The following CD109 variants were observed in gnomAD, a reference collection of about 807,000 sequenced individuals.
CD109 encodes CD109 molecule.
In CD109, 149 loss-of-function variants were observed where a neutral mutation model predicts 165.8. The ratio of observed to expected loss-of-function variants is 0.90; its 90% CI spans 0.79 to 1.03. The LOEUF is 1.03. CD109 is among the 50% of genes least tolerant of loss of function. The probability of loss-of-function intolerance (pLI) is 0.00; values close to 1 mark genes in which losing one functional copy is unlikely to be tolerated. For missense variants in CD109, 1,712 were observed against 1,677.8 expected (o/e 1.02, Z -0.36); for synonymous variants, 585 against 592.1 (o/e 0.99, Z 0.18).
chr6:73,777,864 T>A (rs1426259258), intron 15 of CD109, among the ~76,000 whole-genome samples: 1 of 152,220 alleles, frequency 6.6e-6, no homozygotes, highest in Non-Finnish European at 1.5e-5. Flanking sequence ...CCAGCTTTGT[T>A]CTTTTTGCTT....
At chr6:73,746,087 G>A (rs766394700) in intron 5 of CD109, among the ~76,000 whole-genome samples, 31 of 152,206 alleles carry the variant, frequency 2.0e-4, no homozygotes, top group Non-Finnish European at 4.3e-4. Flanking sequence ...AGAAAGTTGC[G>A]AAGATAGCAC....
chr6:73,681,247 G>A, the CD109 span, among the ~76,000 whole-genome samples: 21 of 151,504 alleles, frequency 1.4e-4, no homozygotes, highest in Non-Finnish European at 2.9e-4. Flanking sequence ...TATATGTGAT[G>A]TTTGATATAC....
intron 5 of CD109, among the ~76,000 whole-genome samples, chr6:73,753,080 A>AAT (rs1773253288): frequency 6.7e-6 from 1 of 148,430 alleles, no homozygotes; most frequent in South Asian, 2.1e-4. Context: ...AGAAAAACCA[A>AAT]ATGTAGCCTG....
chr6:73,783,169 G>A (rs1466769521), intron 18 of CD109, among the ~76,000 whole-genome samples: 1 of 152,212 alleles, frequency 6.6e-6, no homozygotes, highest in Non-Finnish European at 1.5e-5. Context: ...GTCACAGGGA[G>A]AAGGGGCATG....
chr6:73,802,307 T>TA (rs1775393783), intron 23 of CD109, among the ~76,000 whole-genome samples: 21 of 52,470 alleles, frequency 4.0e-4, no homozygotes, highest in South Asian at 1.2e-3. Flanking sequence ...ATATATATAT[T>TA]TTTTTTTTTT....
chr6:73,726,545 G>A (rs1466931722), intron 3 of CD109, among the ~76,000 whole-genome samples: 1 of 152,174 alleles, frequency 6.6e-6, no homozygotes, highest in Non-Finnish European at 1.5e-5. Flanking sequence ...AGTATATGAG[G>A]ATAAATACTA....
In CD109 at chr6:73,696,221, G is replaced by C. The variant is rs1770823023; in HGVS notation, c.6G>C (p.Gln2His). ...CCCAGGCAGACGCCGTCGAGATGCAGGGCCCACCGCTCCTGACCGCCGCCC... is the reference window on the plus strand; with the variant it reads ...CCCAGGCAGACGCCGTCGAGATGCACGGCCCACCGCTCCTGACCGCCGCCC... Reference protein sequence around the residue: MQGPPLLTAAHL... With the variant: MHGPPLLTAAHL... Residue 2 changes from glutamine (Q) to histidine (H), a missense_variant, in exon 1 of 33, where the codon CAG (glutamine) becomes CAC (histidine). Gln to His is a conservative substitution (Grantham distance 24). Coordinates refer to ENST00000287097, the MANE Select transcript of CD109 (RefSeq NM_133493.5). 3 of 1,545,904 alleles carry C rather than the reference G, an allele frequency of 1.9e-6. No homozygotes were observed. Among genetic ancestry groups the C allele is most frequent in the African/African-American group, 1.4e-5 (1 of 73,010 alleles).
Position 73,696,204 on chromosome 6 carries a change from G to A in CD109, c.-12G>A. 1 of 1,545,386 alleles carries A rather than the reference G, an allele frequency of 6.5e-7. No homozygotes were observed. The highest frequency in any genetic ancestry group is 1.9e-5 in the Admixed American group (1 of 51,546). On this transcript the variant is annotated 5_prime_UTR_variant, in exon 1 of 33. Transcript: ENST00000287097. Reference sequence around the variant, plus strand: ...CCGGCAGCGGACTGTAGCCCAGGCAGACGCCGTCGAGATGCAGGGCCCACC... The same window carrying A: ...CCGGCAGCGGACTGTAGCCCAGGCAAACGCCGTCGAGATGCAGGGCCCACC...
chr6:73,739,564 A>AT (rs1244421037), intron 5 of CD109, among the ~76,000 whole-genome samples: 1 of 152,180 alleles, frequency 6.6e-6, no homozygotes, highest in African/African-American at 2.4e-5. Flanking sequence ...TCAAGAAAGT[A>AT]TTGGCTGGGC....
intron 7 of CD109, among the ~76,000 whole-genome samples, chr6:73,759,795 C>T (rs954169586): frequency 3.9e-5 from 6 of 152,190 alleles, no homozygotes; most frequent in East Asian, 1.9e-4. Flanking sequence ...AGTCAGGTTT[C>T]GAAGACTCTT....
intron 1 of CD109, 28 bp from the exon 2 acceptor site, chr6:73,697,372 T>G: frequency 6.2e-7 from 1 of 1,603,480 alleles, no homozygotes. Context: ...TAAGAAACTT[T>G]GTTTTTCCCT....
intron 11 of CD109, among the ~76,000 whole-genome samples, chr6:73,766,488 C>CATAT (rs1168394114): frequency 6.9e-6 from 1 of 145,962 alleles, no homozygotes; most frequent in Non-Finnish European, 1.5e-5. Flanking sequence ...AATATATATA[C>CATAT]ATATATATAT....
intron 26 of CD109, among the ~76,000 whole-genome samples, chr6:73,808,676 G>A (rs975721084): frequency 9.9e-5 from 15 of 152,126 alleles, no homozygotes; most frequent in African/African-American, 3.4e-4. Context: ...GAGATAATGT[G>A]CAATGCTGCT....
intron 23 of CD109, among the ~76,000 whole-genome samples, chr6:73,802,021 G>T (rs1775373194): frequency 6.6e-6 from 1 of 152,104 alleles, no homozygotes; most frequent in African/African-American, 2.4e-5. Context: ...TTAGTTTATT[G>T]TGGGTTGTTT....
chr6:73,776,378 G>C (rs2118331), intron 15 of CD109, among the ~76,000 whole-genome samples: 58,867 of 148,360 alleles, frequency 0.4, 11,712 homozygotes, highest in African/African-American at 0.48. Flanking sequence ...TCAGCCTCCC[G>C]AGTAGCTGGG....
At chr6:73,812,922 A>G (rs1037212374) in intron 29 of CD109, among the ~76,000 whole-genome samples, 1 of 152,098 alleles carries the variant, frequency 6.6e-6, no homozygotes, top group Non-Finnish European at 1.5e-5. Context: ...GTAGAAACAA[A>G]CGACCAAACA....
At chr6:73,785,754 T>A (rs892790872) in intron 20 of CD109, among the ~76,000 whole-genome samples, 7 of 152,168 alleles carry the variant, frequency 4.6e-5, no homozygotes, top group African/African-American at 1.7e-4. Flanking sequence ...CATGCCTTTC[T>A]CTTTCCTGCC....
intron 2 of CD109, among the ~76,000 whole-genome samples, chr6:73,709,648 T>A (rs1771447399): frequency 1.3e-5 from 2 of 152,150 alleles, no homozygotes; most frequent in African/African-American, 4.8e-5. Context: ...AAAAAGAGAA[T>A]TTTAGGCCAA....
chr6:73,797,084 T>G (rs1012403874), intron 23 of CD109, among the ~76,000 whole-genome samples: 4 of 152,202 alleles, frequency 2.6e-5, no homozygotes, highest in African/African-American at 9.7e-5. Flanking sequence ...GGCTTCAGCG[T>G]GAGTCATGAT....
Sources: allele counts gnomAD v4.1 joint callset (sites outside exome capture counted in the v4.1 genomes callset), GRCh38; gene constraint gnomAD v4.1.1; transcripts MANE v1.5; gene names NCBI Gene and HGNC (gene_info 2026-07-23, HGNC 2026-07-21).